The following COPA variants were observed in gnomAD, a reference collection of about 807,000 sequenced individuals.
The protein encoded by COPA is coat protein complex I subunit alpha, also known as coatomer subunit alpha.
In COPA, 10 loss-of-function variants were observed where a neutral mutation model predicts 158.7. That is an observed-to-expected ratio of 0.06 (90% confidence interval 0.04 to 0.11). The LOEUF is 0.11. Among genes scored for constraint, COPA ranks in the 10% least tolerant of loss-of-function variants. The probability of loss-of-function intolerance (pLI) is 1.00; values close to 1 mark genes in which losing one functional copy is unlikely to be tolerated. For missense variants in COPA, 1,065 were observed against 1,536.7 expected (o/e 0.69, Z 5.13); for synonymous variants, 462 against 542.8 (o/e 0.85, Z 2.07).
Position 160,311,374 on chromosome 1 carries a change from G to A in COPA, c.1076+494C>T, listed in dbSNP as rs144587120. On this transcript the variant is annotated intron_variant, in intron 11 of 32. Transcript: ENST00000241704. ...AATTGCTTGAACCCAGGAGGTGGAG[G>A]TTGCAGTGAGCTGAGGTTGCATCAC... Among the ~76,000 whole-genome samples, 1,331 of 151,784 alleles carry A rather than the reference G, an allele frequency of 8.8e-3. 21 individuals carry two copies. Among genetic ancestry groups the A allele is most frequent in the Middle Eastern group, 0.021 (6 of 290 alleles).
At chr1:160,324,498 A>C (rs1659431945) in intron 7 of COPA, among the ~76,000 whole-genome samples, 2 of 137,570 alleles carry the variant, frequency 1.5e-5, no homozygotes, top group South Asian at 4.6e-4. Flanking sequence ...AGGTCTTGCT[A>C]TGTTGCCTAG....
At chr1:160,340,469 T>C (rs1647986027) in intron 1 of COPA, among the ~76,000 whole-genome samples, 175 bp from the exon 2 acceptor site, 1 of 152,238 alleles carries the variant, frequency 6.6e-6, no homozygotes, top group South Asian at 2.1e-4. Context: ...GTACTAGATT[T>C]TTGTCATATT....
chr1:160,333,711 A>G (rs1019003429), intron 4 of COPA, 32 bp from the exon 5 acceptor site: 2 of 1,536,636 alleles, frequency 1.3e-6, no homozygotes, highest in Non-Finnish European at 1.8e-6. Flanking sequence ...GGCTTTAAAC[A>G]TTAAACAAAT....
At chr1:160,303,584 T>TTACAGAAGAA (rs1471967329) in intron 17 of COPA, among the ~76,000 whole-genome samples, 3 of 152,208 alleles carry the variant, frequency 2.0e-5, no homozygotes, top group Non-Finnish European at 4.4e-5. Context: ...TACAATGTTT[T>TTACAGAAGAA]TACAGAAGAA....
intron 8 of COPA, among the ~76,000 whole-genome samples, chr1:160,314,427 G>C (rs764121514): frequency 4.6e-5 from 7 of 152,026 alleles, no homozygotes; most frequent in Non-Finnish European, 1.0e-4. Context: ...CTAGGAGTTC[G>C]AGATCAGCCT....
intron 9 of COPA, among the ~76,000 whole-genome samples, chr1:160,313,582 T>C (rs961347991): frequency 1.3e-5 from 2 of 151,940 alleles, no homozygotes; most frequent in South Asian, 4.2e-4. Context: ...GCCCGGCTAA[T>C]TTTTTGTATT....
At chr1:160,313,911 G>C (rs2101847193) in intron 9 of COPA, 79 bp downstream of exon 9, 2 of 1,301,742 alleles carry the variant, frequency 1.5e-6, no homozygotes, top group South Asian at 3.8e-5. Context: ...AAGATGATGA[G>C]AGACATAAAG....
At position 160,323,546 on chromosome 1, in the gene COPA, G is replaced by A. The variant is rs1175168090; in HGVS notation, c.607-16C>T. ...GATCGTGACCCTGTAGAAAAGAGTG[G>A]TTCTTCTAAAACATCTTTATAGTCA... is the stretch of plus-strand genomic sequence containing the variant. On this transcript the variant is annotated splice_polypyrimidine_tract_variant and intron_variant, in intron 7 of 32. Coordinates refer to ENST00000241704, the MANE Select transcript of COPA (RefSeq NM_004371.4). 7 of 1,594,280 alleles carry A rather than the reference G, an allele frequency of 4.4e-6. No homozygotes were observed. Among genetic ancestry groups the A allele is most frequent in the Non-Finnish European group, 6.0e-6 (7 of 1,167,248 alleles).
chr1:160,340,860 C>G (rs544060132), intron 1 of COPA, among the ~76,000 whole-genome samples: 1 of 152,156 alleles, frequency 6.6e-6, no homozygotes. Flanking sequence ...CTCTCTGCAG[C>G]CCCCTCTTCT....
chr1:160,339,800 G>T (rs760688102), intron 3 of COPA, 109 bp downstream of exon 3: 2 of 930,588 alleles, frequency 2.1e-6, no homozygotes, highest in Non-Finnish European at 1.7e-6. Context: ...GTTGTCAAAG[G>T]CCTGAGCTCT....
rs545266098 is a variant in COPA, at chr1:160,316,932, T to A, written c.707-2807A>T. On this transcript the variant is annotated intron_variant, in intron 8 of 32. Transcript: ENST00000241704. ...CCAAGTAAGACTACCCTAAGGCATA[T>A]AAAAGTCAAACTCTCAAAAGTCAAG... 1.5e-3 allele frequency among the ~76,000 whole-genome samples: 235 copies of A among 152,068 alleles called. 2 individuals are homozygous for A. The South Asian group carries it at 0.048, about 31-fold the overall frequency.
chr1:160,308,689 A>G (rs935431095), intron 13 of COPA, among the ~76,000 whole-genome samples: 1 of 152,190 alleles, frequency 6.6e-6, no homozygotes, highest in Non-Finnish European at 1.5e-5. Context: ...TCTTTTTGAC[A>G]TGCAAAAGGA....
In COPA at chr1:160,312,934, A is replaced by G. The variant is rs1384498856; in HGVS notation, c.925+151T>C. ...TTACGTACATATAAAGTGGAAGAAA[A>G]AAAGGAGAAAAGCTTCAACTAAGTG... On this transcript the variant is annotated intron_variant, in intron 10 of 32. Transcript: ENST00000241704. 1.6e-5 allele frequency: 11 copies of G among 673,730 alleles called. 1 individual carries two copies. The Admixed American group carries it at 1.8e-4, about 11-fold the overall frequency. 41.7% of individuals were successfully genotyped at this position (673,730 alleles called of 1,614,324 possible). A position where few individuals can be genotyped will look rare whatever the true frequency, so the allele number is the denominator to read the frequency against.
Position 160,289,584 on chromosome 1 carries a change from C to T in COPA, c.*573G>A, listed in dbSNP as rs1351834332. ...GGATTTACTAAACAAATGTCCATCA[C>T]AGAGTTTTCCTTTTTTTTTTTTTTG... On this transcript the variant is annotated 3_prime_UTR_variant, in exon 33 of 33. Transcript: ENST00000241704. 7.8e-6 allele frequency: 1 copy of T among 128,904 alleles called. No individual in the cohort carries two copies. The highest frequency in any genetic ancestry group is 1.6e-5 in the Non-Finnish European group (1 of 62,062). 8.0% of individuals were successfully genotyped at this position (128,904 alleles called of 1,614,324 possible). A position where few individuals can be genotyped will look rare whatever the true frequency, so the allele number is the denominator to read the frequency against.
In COPA at chr1:160,290,121, A is replaced by C; in HGVS notation, c.*36T>G. ...GATATAGACACATTCTCTGGGGGGA[A>C]CATATGGTGACTGACCCATGCACAC... On this transcript the variant is annotated 3_prime_UTR_variant, in exon 33 of 33. Coordinates refer to ENST00000241704, the MANE Select transcript of COPA (RefSeq NM_004371.4). 6.2e-7 allele frequency: 1 copy of C among 1,601,372 alleles called. No homozygotes were observed. Among genetic ancestry groups the C allele is most frequent in the South Asian group, 1.1e-5 (1 of 90,718 alleles).
chr1:160,297,319 A>G (rs927731022), intron 21 of COPA, 24 bp downstream of exon 21: 13 of 1,604,438 alleles, frequency 8.1e-6, no homozygotes, highest in Non-Finnish European at 1.1e-5. Context: ...ACCCTGAAAA[A>G]GCTGGCAAGT....
At chr1:160,326,188 T>C (rs1301330067) in intron 6 of COPA, 2 of 154,528 alleles carry the variant, frequency 1.3e-5, no homozygotes, top group African/African-American at 4.8e-5. Context: ...AACAATCAAC[T>C]GAGATAACTC....
intron 21 of COPA, among the ~76,000 whole-genome samples, chr1:160,296,760 G>A (rs969166196): frequency 2.0e-5 from 3 of 152,168 alleles, no homozygotes; most frequent in East Asian, 1.9e-4. Context: ...GTATCCATCC[G>A]TGCTGAGAAC....
At chr1:160,300,272 G>A (rs868220091) in intron 17 of COPA, among the ~76,000 whole-genome samples, 27 of 151,788 alleles carry the variant, frequency 1.8e-4, no homozygotes, top group African/African-American at 4.6e-4. Context: ...CCCGAGAGAC[G>A]GAGGTTGCCG....
Sources: allele counts gnomAD v4.1 joint callset (sites outside exome capture counted in the v4.1 genomes callset), GRCh38; gene constraint gnomAD v4.1.1; transcripts MANE v1.5; gene names NCBI Gene and HGNC (gene_info 2026-07-23, HGNC 2026-07-21).